The following GRK6 variants were observed in gnomAD, a reference collection of about 807,000 sequenced individuals.
The protein encoded by GRK6 is G protein-coupled receptor kinase 6.
A neutral mutation model predicts 80.8 loss-of-function variants in GRK6; 37 were observed. The observed-to-expected ratio is 0.46, with a 90% CI of 0.35 to 0.60. The LOEUF is 0.60. GRK6 is among the 20% of genes least tolerant of loss of function. The probability of loss-of-function intolerance (pLI) is 0.00; values close to 1 mark genes in which losing one functional copy is unlikely to be tolerated. For missense variants in GRK6, 560 were observed against 784.6 expected (o/e 0.71, Z 3.42); for synonymous variants, 295 against 320.9 (o/e 0.92, Z 0.86).
In GRK6 at chr5:177,432,812, C is replaced by T; in HGVS notation, c.440+6C>T. Reference sequence around the variant, plus strand: ...CTTTTCCAGGAACTCACCCGGTAAGCCTGTCCCTGCCCACAAGCCTGGAAT... The same window carrying T: ...CTTTTCCAGGAACTCACCCGGTAAGTCTGTCCCTGCCCACAAGCCTGGAAT... On this transcript the variant is annotated splice_donor_region_variant and intron_variant, in intron 5 of 15. Transcript: ENST00000355472. The T allele has an allele frequency of 6.3e-7, 1 of 1,598,234 alleles. No individual in the cohort carries two copies. The highest frequency in any genetic ancestry group is 8.6e-7 in the Non-Finnish European group (1 of 1,167,908).
Position 177,436,266 on chromosome 5 carries a change from C to T in GRK6, c.1251C>T (p.Arg417=), listed in dbSNP as rs1764150090. 2 of 1,614,112 alleles carry T rather than the reference C, an allele frequency of 1.2e-6. No individual in the cohort carries two copies. The highest frequency in any genetic ancestry group is 1.7e-6 in the Non-Finnish European group (2 of 1,180,018). ...EYSERFSPQA[R]SLCSQLLCKD... ...CCGAGCGCTTTTCCCCGCAGGCCCGCTCACTTTGCTCACAGGTACGGCAGC... is the reference window on the plus strand; with the variant it reads ...CCGAGCGCTTTTCCCCGCAGGCCCGTTCACTTTGCTCACAGGTACGGCAGC... The change falls in exon 12 of 16, where the codon CGC becomes CGT. Residue 417 remains arginine, a synonymous_variant. Transcript: ENST00000355472.
chr5:177,426,517 T>G (rs1236227787), upstream of GRK6: 1 of 151,966 alleles, frequency 6.6e-6, no homozygotes, highest in African/African-American at 2.4e-5. Flanking sequence ...CCCCCGTACT[T>G]CTTTGAGCGA....
At position 177,434,094 on chromosome 5, in the gene GRK6, A is replaced by G. The variant is rs1485741470; in HGVS notation, c.919A>G (p.Ile307Val). ...CGLEDLHRER[I>V]VYRDLKPENI... ...CCTGGAGGACCTGCACCGGGAGCGC[A>G]TCGTGTACAGGTGGGGAGGGCTCGG... The change falls in exon 9 of 16, where the codon ATC (isoleucine) becomes GTC (valine). Residue 307 changes from isoleucine to valine, a missense_variant. Ile to Val is a conservative substitution (Grantham distance 29, BLOSUM62 3). Coordinates refer to ENST00000355472, the MANE Select transcript of GRK6 (RefSeq NM_001004106.3). 16 of 1,585,830 alleles carry G rather than the reference A, an allele frequency of 1.0e-5. No individual in the cohort carries two copies. Among genetic ancestry groups the G allele is most frequent in the Admixed American group, 1.7e-5 (1 of 58,224 alleles).
chr5:177,436,678 A>C, intron 13 of GRK6, 148 bp downstream of exon 13: 3 of 801,902 alleles, frequency 3.7e-6, no homozygotes, highest in Non-Finnish European at 5.7e-6. Context: ...AATTCACAAA[A>C]AGGAAAAGCC....
At chr5:177,441,416 C>A in intron 15 of GRK6, 1 of 810,500 alleles carries the variant, frequency 1.2e-6, no homozygotes, top group Non-Finnish European at 1.9e-6. Flanking sequence ...GAGCTGCCAG[C>A]TTTGCTTCGC....
intron 5 of GRK6, 100 bp from the exon 6 acceptor site, chr5:177,433,047 G>A: frequency 5.6e-6 from 6 of 1,062,896 alleles, no homozygotes; most frequent in Non-Finnish European, 8.7e-6. Context: ...GACGATACCT[G>A]TGGGCTAAGC....
At chr5:177,432,204 C>G in intron 3 of GRK6, 29 bp from the exon 4 acceptor site, 1 of 1,613,554 alleles carries the variant, frequency 6.2e-7, no homozygotes. Flanking sequence ...CTGCCCAGAC[C>G]TCCAGCTTCT....
chr5:177,426,807 CGGCGGCGCGGCCCGGCGGGCCA>C lies in GRK6; in HGVS notation c.-30_-9del, dbSNP rs1282891330. The stretch of plus-strand genomic sequence containing the variant: ...CTCGGCACTCGCGCGCGATCCCGGC[CGGCGGCGCGGCCCGGCGGGCCA>C]GGCGGCGCCACAGCCCATGGAGCTC... On this transcript the variant is annotated 5_prime_UTR_variant, in exon 1 of 16. Transcript: ENST00000355472. 2.6e-6 allele frequency: 3 copies of C among 1,135,256 alleles called. No homozygotes were observed. The highest frequency in any genetic ancestry group is 3.2e-6 in the Non-Finnish European group (3 of 925,670). 70.3% of individuals were successfully genotyped at this position (1,135,256 alleles called of 1,614,324 possible).
At position 177,441,054 on chromosome 5, in the gene GRK6, G is replaced by A. The variant is rs769642145; in HGVS notation, c.1677+1G>A. 6.2e-7 allele frequency: 1 copy of A among 1,613,512 alleles called. No individual in the cohort carries two copies. Among genetic ancestry groups the A allele is most frequent in the African/African-American group, 1.3e-5 (1 of 74,938 alleles). ...GCTGCAGAGACTCTTCAGTCGCCAA[G>A]TAAGCCCCAGCAGCGGCCTACCTGG... On this transcript the variant is annotated splice_donor_variant, in intron 15 of 15. Coordinates refer to ENST00000355472, the MANE Select transcript of GRK6 (RefSeq NM_001004106.3). LOFTEE classifies it high-confidence loss of function.
chr5:177,431,065 C>T, intron 2 of GRK6, 98 bp downstream of exon 2: 2 of 930,748 alleles, frequency 2.1e-6, no homozygotes, highest in Admixed American at 4.8e-5. Context: ...GAGGGGCAGA[C>T]TTGGGGGCTC....
At chr5:177,431,053 C>A in intron 2 of GRK6, 86 bp downstream of exon 2, 1 of 1,074,234 alleles carries the variant, frequency 9.3e-7, no homozygotes, top group South Asian at 1.4e-5. Flanking sequence ...TGCCCCGGAG[C>A]AGAGGGGCAG....
chr5:177,434,833 G>A, intron 9 of GRK6, 69 bp from the exon 10 acceptor site: 1 of 1,575,860 alleles, frequency 6.3e-7, no homozygotes, highest in Non-Finnish European at 8.7e-7. Flanking sequence ...GAGTGAGCTG[G>A]GGGGGCTGGC....
Position 177,433,542 on chromosome 5 carries a change from G to T in GRK6, c.604G>T (p.Ala202Ser). The T allele has an allele frequency of 6.2e-7, 1 of 1,614,004 alleles. No individual in the cohort carries two copies. The highest frequency in any genetic ancestry group is 1.1e-5 in the South Asian group (1 of 91,082). ...CCTGTCTGTCTGGCCACAGGTGTGCGCCTGCCAGGTGCGGGCCACAGGTAA... is the reference window on the plus strand; with the variant it reads ...CCTGTCTGTCTGGCCACAGGTGTGCTCCTGCCAGGTGCGGGCCACAGGTAA... ...LGKGGFGEVC[A>S]CQVRATGKMY... Residue 202 changes from alanine to serine, a missense_variant, in exon 8 of 16, where the codon GCC (alanine) becomes TCC (serine). Around this residue, in one of 3 missense-constraint regions of GRK6, gnomAD observed 77 missense variants for 156.9 expected, o/e 0.49. Transcript: ENST00000355472.
At position 177,432,642 on chromosome 5, in the gene GRK6, C is replaced by A. The variant is rs1424659299; in HGVS notation, c.340-64C>A. The A allele has an allele frequency of 5.1e-6, 6 of 1,172,916 alleles. No individual in the cohort carries two copies. The South Asian group carries it at 8.4e-5, about 16-fold the overall frequency. The allele number at this position is 1,172,916 out of a possible 1,614,324, so 72.7% of individuals were successfully genotyped here. ...CCAGCCCGAGTTGCCTGACCCCTCT[C>A]CCCTGGAAGTGGGCAGCCATCCAAG... is the stretch of plus-strand genomic sequence containing the variant. On this transcript the variant is annotated intron_variant, in intron 4 of 15. Transcript: ENST00000355472.
chr5:177,432,610 C>T, intron 4 of GRK6, 96 bp from the exon 5 acceptor site: 2 of 881,242 alleles, frequency 2.3e-6, no homozygotes, highest in Non-Finnish European at 3.5e-6. Flanking sequence ...TGCAGCCTCT[C>T]ATGGCACCAG....
Position 177,433,933 on chromosome 5 carries a change from A to T in GRK6, c.758A>T (p.Tyr253Phe). Residue 253 changes from tyrosine to phenylalanine, a missense_variant, in exon 9 of 16, where the codon TAT (tyrosine) becomes TTT (phenylalanine). Physicochemically the swap from Tyr to Phe is conservative, Grantham distance 22. Transcript: ENST00000355472. ...CCACAGGTGAGCTTGGCCTACGCCT[A>T]TGAGACCAAGGACGCGCTGTGCCTG... ...SRFVVSLAYA[Y>F]ETKDALCLVL... 1 of 1,592,536 alleles carries T rather than the reference A, an allele frequency of 6.3e-7. No homozygotes were observed. The highest frequency in any genetic ancestry group is 8.6e-7 in the Non-Finnish European group (1 of 1,167,478).
intron 2 of GRK6, chr5:177,431,678 C>T (rs1020290208): frequency 5.5e-6 from 2 of 364,602 alleles, no homozygotes; most frequent in Admixed American, 4.6e-5. Context: ...TCACGGACCG[C>T]ACCCAACCCC....
At chr5:177,434,801 T>C in intron 9 of GRK6, 101 bp from the exon 10 acceptor site, 1 of 1,355,724 alleles carries the variant, frequency 7.4e-7, no homozygotes, top group African/African-American at 1.4e-5. Context: ...CGCACCTTGC[T>C]CCACACCTGG....
upstream of GRK6, among the ~76,000 whole-genome samples, chr5:177,425,942 A>AG (rs1416441698): frequency 6.6e-6 from 1 of 152,222 alleles, no homozygotes; most frequent in Non-Finnish European, 1.5e-5. Context: ...CCCGAGGTCT[A>AG]GGGGTGGTAG....
Sources: allele counts gnomAD v4.1 joint callset (sites outside exome capture counted in the v4.1 genomes callset), GRCh38; gene constraint gnomAD v4.1.1; regional missense constraint gnomAD v4.1.1; transcripts MANE v1.5; gene names NCBI Gene and HGNC (gene_info 2026-07-23, HGNC 2026-07-21).